The following MTRF1 variants were observed in gnomAD, a reference collection of about 807,000 sequenced individuals.
MTRF1 encodes peptide chain release factor 1, mitochondrial.
In MTRF1, 51 loss-of-function variants were observed where a neutral mutation model predicts 62.9. The observed-to-expected ratio is 0.81, with a 90% CI of 0.65 to 1.02. The LOEUF (loss-of-function observed/expected upper bound fraction) is 1.02, where lower values mean the gene tolerates loss of function less well. MTRF1 is among the 50% of genes least tolerant of loss of function. The probability of loss-of-function intolerance (pLI) is 0.00; values close to 1 mark genes in which losing one functional copy is unlikely to be tolerated. For missense variants in MTRF1, 446 were observed against 530.0 expected (o/e 0.84, Z 1.56); for synonymous variants, 158 against 181.9 (o/e 0.87, Z 1.06).
In MTRF1 at chr13:41,260,567, G is replaced by A. The variant is rs139754010; in HGVS notation, c.341C>T (p.Ala114Val). ...RSLNRRHAEL[A>V]PLAAIYQEIQ... ...TTCTTGGTAAATGGCTGCAAGAGGT[G>A]CCAACTCAGCATGCCTTCTGTTCAA... Residue 114 changes from alanine to valine, a missense_variant, in exon 2 of 10, where the codon GCA becomes GTA. By Grantham distance (64) the Ala-to-Val change is moderately conservative. Coordinates refer to ENST00000379480, the MANE Select transcript of MTRF1 (RefSeq NM_004294.4). 3.1e-3 allele frequency: 5,019 copies of A among 1,614,084 alleles called. 7 individuals are homozygous for A. Among genetic ancestry groups the A allele is most frequent in the Non-Finnish European group, 3.8e-3 (4,522 of 1,180,022 alleles).
At chr13:41,248,050 G>A (rs546684713) in intron 5 of MTRF1, among the ~76,000 whole-genome samples, 10 of 152,238 alleles carry the variant, frequency 6.6e-5, no homozygotes, top group Admixed American at 5.2e-4. Flanking sequence ...GTATTAAAAG[G>A]CTGTAAGTCC....
intron 8 of MTRF1, among the ~76,000 whole-genome samples, chr13:41,226,219 T>C (rs2034402940): frequency 6.6e-6 from 1 of 152,260 alleles, no homozygotes; most frequent in Non-Finnish European, 1.5e-5. Flanking sequence ...TTTTAGTTTA[T>C]ACATCTTACA....
At chr13:41,223,209 T>C in intron 9 of MTRF1, 47 bp downstream of exon 9, 1 of 1,341,484 alleles carries the variant, frequency 7.5e-7, no homozygotes, top group Non-Finnish European at 1.1e-6. Flanking sequence ...TTTGACTATA[T>C]TTTCTTCTGA....
intron 9 of MTRF1, among the ~76,000 whole-genome samples, chr13:41,219,157 G>A (rs2032634011): frequency 6.6e-6 from 1 of 151,770 alleles, no homozygotes; most frequent in Non-Finnish European, 1.5e-5. Flanking sequence ...CAGGCGTGGT[G>A]GTGTGTGCCT....
the MTRF1 span, among the ~76,000 whole-genome samples, chr13:41,302,076 G>A: frequency 4.0e-5 from 6 of 151,678 alleles, no homozygotes; most frequent in South Asian, 2.1e-4. Flanking sequence ...GCCTAGGCTG[G>A]AGTGCAGTGG....
the MTRF1 span, among the ~76,000 whole-genome samples, chr13:41,311,806 C>T: frequency 1.2e-3 from 188 of 152,308 alleles, 1 homozygote; most frequent in Non-Finnish European, 2.0e-3. Context: ...TTCTGCGGCT[C>T]GCCTCACCCC....
At chr13:41,303,080 C>CTTAT in the MTRF1 span, among the ~76,000 whole-genome samples, 22 of 151,904 alleles carry the variant, frequency 1.4e-4, no homozygotes, top group Admixed American at 2.0e-4. Context: ...AAGAGCCTTT[C>CTTAT]TTATTTATTT....
intron 7 of MTRF1, among the ~76,000 whole-genome samples, chr13:41,230,485 A>C (rs1463985352): frequency 1.2e-4 from 18 of 151,212 alleles, no homozygotes; most frequent in Admixed American, 1.2e-3. Flanking sequence ...GCTGGTCTTG[A>C]ACTCCCGACC....
the MTRF1 span, chr13:41,288,138 G>A: frequency 2.0e-6 from 1 of 508,406 alleles, no homozygotes; most frequent in Non-Finnish European, 4.0e-6. Context: ...TAATCTTCTT[G>A]TCCAGATGTA....
chr13:41,226,344 C>T, intron 8 of MTRF1, 88 bp downstream of exon 8: 1 of 1,343,284 alleles, frequency 7.4e-7, no homozygotes. Flanking sequence ...AAAACATTCC[C>T]ATTTAAGCAA....
chr13:41,285,725 A>C, the MTRF1 span, among the ~76,000 whole-genome samples: 1 of 152,234 alleles, frequency 6.6e-6, no homozygotes, highest in East Asian at 1.9e-4. Context: ...TTGGGGAGAG[A>C]CAACCTTTTC....
At chr13:41,311,280 A>ACCG in the MTRF1 span, 471 of 548,716 alleles carry the variant, frequency 8.6e-4, 1 homozygote, top group East Asian at 8.2e-3. Context: ...GTGCGCGGGA[A>ACCG]CCGCCGCCGC....
intron 9 of MTRF1, among the ~76,000 whole-genome samples, chr13:41,219,277 C>T (rs1313373544): frequency 4.8e-5 from 6 of 124,854 alleles, no homozygotes; most frequent in Non-Finnish European, 1.0e-4. Context: ...GGCAACAGAG[C>T]AAGACTCTGT....
intron 3 of MTRF1, 80 bp from the exon 4 acceptor site, chr13:41,253,110 G>GA (rs1196739125): frequency 2.8e-6 from 3 of 1,082,798 alleles, no homozygotes; most frequent in Non-Finnish European, 4.0e-6. Flanking sequence ...GAAAAACATT[G>GA]AAAAAAATCA....
chr13:41,279,019 G>A, the MTRF1 span, among the ~76,000 whole-genome samples: 5 of 151,558 alleles, frequency 3.3e-5, no homozygotes, highest in African/African-American at 1.2e-4. Context: ...ATGAAGTTTT[G>A]TTCTTGCTGC....
chr13:41,267,371 A>G (rs1355106391), upstream of MTRF1, among the ~76,000 whole-genome samples: 2 of 152,144 alleles, frequency 1.3e-5, no homozygotes, highest in Non-Finnish European at 2.9e-5. Flanking sequence ...GGTTATGTGT[A>G]CTTTGCTTAT....
intron 7 of MTRF1, among the ~76,000 whole-genome samples, chr13:41,230,966 T>C (rs940159339): frequency 1.5e-4 from 23 of 152,282 alleles, no homozygotes; most frequent in African/African-American, 5.3e-4. Context: ...CCTCAGGTGA[T>C]CTGCCTGCAT....
the MTRF1 span, chr13:41,287,943 A>G: frequency 2.4e-6 from 1 of 418,852 alleles, no homozygotes; most frequent in South Asian, 2.1e-5. Flanking sequence ...CAGTTTCTCA[A>G]TCGTGTCTTT....
intron 5 of MTRF1, among the ~76,000 whole-genome samples, chr13:41,250,285 G>A (rs2038902231): frequency 6.6e-6 from 1 of 151,758 alleles, no homozygotes; most frequent in African/African-American, 2.4e-5. Flanking sequence ...TGATTATCTT[G>A]AATCCTCTTT....
Sources: allele counts gnomAD v4.1 joint callset (sites outside exome capture counted in the v4.1 genomes callset), GRCh38; gene constraint gnomAD v4.1.1; transcripts MANE v1.5; gene names NCBI Gene and HGNC (gene_info 2026-07-23, HGNC 2026-07-21).